The following TRPS1 variants were observed in gnomAD, a reference collection of about 807,000 sequenced individuals.
TRPS1 encodes the protein transcriptional repressor GATA binding 1.
Under a neutral mutation model 101.2 loss-of-function variants are expected in TRPS1, and 6 were observed. The observed-to-expected ratio is 0.06, with a 90% CI of 0.03 to 0.12. The LOEUF (loss-of-function observed/expected upper bound fraction) is 0.12, where lower values mean the gene tolerates loss of function less well. TRPS1 is among the 10% of genes least tolerant of loss of function. The probability of loss-of-function intolerance (pLI) is 1.00; values close to 1 mark genes in which losing one functional copy is unlikely to be tolerated. For synonymous variants in TRPS1, 578 were observed against 589.8 expected, an observed-to-expected ratio of 0.98 and a Z score of 0.29; for missense variants, 1,363 against 1,567.0, an observed-to-expected ratio of 0.87 and a Z score of 2.20.
intron 5 of TRPS1, among the ~76,000 whole-genome samples, chr8:115,419,763 A>G (rs1586255325): frequency 6.6e-6 from 1 of 152,212 alleles, no homozygotes; most frequent in South Asian, 2.1e-4. Flanking sequence ...CACTAAAAAG[A>G]CCTGGTGAGC....
intron 3 of TRPS1, among the ~76,000 whole-genome samples, chr8:115,606,975 T>G (rs1020234533): frequency 6.6e-6 from 1 of 152,100 alleles, no homozygotes; most frequent in Non-Finnish European, 1.5e-5. Context: ...ATAAAAATTT[T>G]CTTGTTTAAG....
chr8:115,588,748 T>C (rs1342599119), intron 4 of TRPS1, among the ~76,000 whole-genome samples: 14 of 152,198 alleles, frequency 9.2e-5, no homozygotes, highest in Admixed American at 8.5e-4. Context: ...CAAATTAAAG[T>C]AACAAAATAA....
chr8:115,429,649 C>T (rs750592039), intron 5 of TRPS1, among the ~76,000 whole-genome samples: 6 of 152,088 alleles, frequency 3.9e-5, no homozygotes, highest in Non-Finnish European at 8.8e-5. Flanking sequence ...AAACCAAAAC[C>T]GAGACCTGGC....
At chr8:115,460,002 A>T (rs550806317) in intron 5 of TRPS1, among the ~76,000 whole-genome samples, 4 of 152,216 alleles carry the variant, frequency 2.6e-5, no homozygotes, top group Non-Finnish European at 5.9e-5. Context: ...ACACTAGTGA[A>T]TTCTTGTCAA....
chr8:115,661,237 T>C (rs1355706836), intron 1 of TRPS1, among the ~76,000 whole-genome samples: 1 of 152,056 alleles, frequency 6.6e-6, no homozygotes, highest in Non-Finnish European at 1.5e-5. Flanking sequence ...AATTGATTCA[T>C]TATGTTTAAA....
At chr8:115,447,327 T>A (rs1406713390) in intron 5 of TRPS1, among the ~76,000 whole-genome samples, 2 of 152,184 alleles carry the variant, frequency 1.3e-5, no homozygotes, top group South Asian at 4.1e-4. Flanking sequence ...AGTAATAAAA[T>A]TTCATATGTA....
At chr8:115,428,916 A>G (rs897899009) in intron 5 of TRPS1, among the ~76,000 whole-genome samples, 2 of 152,188 alleles carry the variant, frequency 1.3e-5, no homozygotes, top group Non-Finnish European at 2.9e-5. Context: ...TATTCAAATG[A>G]AAGATTTGTC....
intron 1 of TRPS1, among the ~76,000 whole-genome samples, chr8:115,648,132 AAGAGGAAAG>A (rs1311550201): frequency 5.3e-5 from 8 of 152,222 alleles, no homozygotes; most frequent in African/African-American, 1.9e-4. Context: ...AAGAGAAGAC[AAGAGGAAAG>A]AGAGTTTATG....
At chr8:115,510,418 T>A (rs1183501216) in intron 5 of TRPS1, among the ~76,000 whole-genome samples, 1 of 151,920 alleles carries the variant, frequency 6.6e-6, no homozygotes, top group Non-Finnish European at 1.5e-5. Context: ...AGGTCATCCT[T>A]CTATAATTCA....
At position 115,441,432 on chromosome 8, in the gene TRPS1, G is replaced by A. The variant is rs1174267777; in HGVS notation, c.2701-22980C>T. On this transcript the variant is annotated intron_variant, in intron 5 of 6. Coordinates refer to ENST00000395715, the MANE Select transcript of TRPS1 (RefSeq NM_014112.5). ...AAATACATATTTCTGTACTTGGCTA[G>A]GCTCAGTTCAGTTCTGAAAGTTTTC... Among the ~76,000 whole-genome samples, 51 of 152,166 alleles carry A rather than the reference G, an allele frequency of 3.4e-4. 1 individual carries two copies. Among genetic ancestry groups the A allele is most frequent in the Admixed American group, 3.3e-3 (51 of 15,276 alleles).
intron 5 of TRPS1, among the ~76,000 whole-genome samples, chr8:115,584,157 A>G (rs1459432061): frequency 6.6e-6 from 1 of 152,044 alleles, no homozygotes; most frequent in Non-Finnish European, 1.5e-5. Flanking sequence ...CCAGCATAGT[A>G]TTGAACTATA....
intron 5 of TRPS1, among the ~76,000 whole-genome samples, chr8:115,491,755 C>T (rs1441315937): frequency 2.0e-5 from 3 of 152,116 alleles, no homozygotes; most frequent in South Asian, 2.1e-4. Flanking sequence ...CACCCTCAAC[C>T]GCCTGTTGCT....
chr8:115,435,409 A>T (rs977490513), intron 5 of TRPS1, among the ~76,000 whole-genome samples: 3 of 152,196 alleles, frequency 2.0e-5, no homozygotes, highest in Non-Finnish European at 4.4e-5. Flanking sequence ...TGCTGGCTGC[A>T]GTGAAGGAAG....
At chr8:115,642,842 G>GAAAAAAA (rs55943562) in intron 1 of TRPS1, among the ~76,000 whole-genome samples, 10 of 143,212 alleles carry the variant, frequency 7.0e-5, no homozygotes, top group African/African-American at 2.3e-4. Flanking sequence ...CTTACTTCGT[G>GAAAAAAA]AAAAAAAATA....
intron 1 of TRPS1, among the ~76,000 whole-genome samples, chr8:115,639,612 T>C (rs1249449804): frequency 6.6e-6 from 1 of 151,028 alleles, no homozygotes; most frequent in Non-Finnish European, 1.5e-5. Context: ...GTGGACCACT[T>C]GAGTCCAGGA....
intron 5 of TRPS1, among the ~76,000 whole-genome samples, chr8:115,533,437 T>TGTTTTTTTTTTTTTG (rs1554583376): frequency 9.8e-6 from 1 of 101,736 alleles, no homozygotes; most frequent in South Asian, 3.5e-4. Context: ...ATGTAATCTG[T>TGTTTTTTTTTTTTTG]TTTTTTTTTT....
intron 5 of TRPS1, among the ~76,000 whole-genome samples, chr8:115,541,414 C>G (rs1326905295): frequency 6.6e-6 from 1 of 152,192 alleles, no homozygotes; most frequent in Non-Finnish European, 1.5e-5. Flanking sequence ...ATTCTTTATT[C>G]TAGTGTAACC....
intron 5 of TRPS1, among the ~76,000 whole-genome samples, chr8:115,547,885 G>T (rs1028453996): frequency 6.6e-6 from 1 of 152,066 alleles, no homozygotes; most frequent in African/African-American, 2.4e-5. Flanking sequence ...AAATTAACTT[G>T]TGGCTACTCT....
chr8:115,601,987 T>A (rs973350463), intron 4 of TRPS1, among the ~76,000 whole-genome samples: 1 of 152,206 alleles, frequency 6.6e-6, no homozygotes, highest in African/African-American at 2.4e-5. Context: ...TCAGTAATAG[T>A]TTTATTCATA....
Sources: gnomAD v4.1 joint callset for allele counts (sites outside exome capture counted in the v4.1 genomes callset) on GRCh38, gnomAD v4.1.1 for gene constraint, MANE v1.5 for transcripts, NCBI Gene and HGNC (gene_info 2026-07-23, HGNC 2026-07-21) for gene names.